Variants in WHAMM observed in about 807,000 individuals in gnomAD.
The protein encoded by WHAMM is WASP homolog-associated protein with actin, membranes and microtubules.
WHAMM carries 67 observed loss-of-function variants against 76.5 expected under a neutral mutation model. The ratio of observed to expected loss-of-function variants is 0.88; its 90% CI spans 0.72 to 1.07. WHAMM has a LOEUF of 1.07. Among genes scored for constraint, WHAMM ranks in the 50% least tolerant of loss-of-function variants. The pLI is 0.00. For synonymous variants in WHAMM, 419 were observed against 422.1 expected (o/e 0.99, Z 0.09); for missense variants, 1,021 against 1,051.1 (o/e 0.97, Z 0.40).
Position 82,836,093 on chromosome 15 carries a change from A to C in WHAMM, c.*2557A>C, listed in dbSNP as rs1473582102. 6 of 152,356 alleles carry C rather than the reference A, an allele frequency of 3.9e-5. No homozygotes were observed. The highest frequency in any genetic ancestry group is 8.8e-5 in the Non-Finnish European group (6 of 68,034). The allele number at this position is 152,356 out of a possible 1,614,324, so 9.4% of individuals were successfully genotyped here. ...TTTTCAAAAGAACGTTCTCACAATA[A>C]AAATTCCTGGCCCAATTGTGTCTTC... On this transcript the variant is annotated 3_prime_UTR_variant, in exon 10 of 10. Transcript: ENST00000286760.
chr15:82,815,155 A>AAAAT (rs55807384), intron 2 of WHAMM, among the ~76,000 whole-genome samples: 1 of 46,148 alleles, frequency 2.2e-5, no homozygotes, highest in Non-Finnish European at 4.0e-5. Context: ...ATATATATAT[A>AAAAT]GTACAATTCA....
At chr15:82,831,787 G>T (rs182829921) in intron 9 of WHAMM, among the ~76,000 whole-genome samples, 120 of 152,308 alleles carry the variant, frequency 7.9e-4, no homozygotes, top group African/African-American at 2.8e-3. Flanking sequence ...ACTTCTTTGG[G>T]GGGTATGTGT....
chr15:82,828,295 A>T (rs758681914), intron 8 of WHAMM, among the ~76,000 whole-genome samples: 1 of 152,238 alleles, frequency 6.6e-6, no homozygotes, highest in Non-Finnish European at 1.5e-5. Flanking sequence ...GTCTTACTCC[A>T]GAGCCACACA....
At chr15:82,815,694 G>T (rs961315852) in intron 2 of WHAMM, among the ~76,000 whole-genome samples, 1 of 152,170 alleles carries the variant, frequency 6.6e-6, no homozygotes, top group Non-Finnish European at 1.5e-5. Flanking sequence ...GTAAATGAGG[G>T]TTCCGGTTTG....
At chr15:82,819,716 G>A (rs886064963) in intron 5 of WHAMM, among the ~76,000 whole-genome samples, 3 of 152,228 alleles carry the variant, frequency 2.0e-5, no homozygotes, top group Non-Finnish European at 2.9e-5. Context: ...GTGGTTGGCT[G>A]GGCACAGTGG....
At chr15:82,815,050 G>C (rs1413246297) in intron 2 of WHAMM, among the ~76,000 whole-genome samples, 1 of 146,054 alleles carries the variant, frequency 6.8e-6, no homozygotes, top group Non-Finnish European at 1.5e-5. Flanking sequence ...GATTACAGGC[G>C]TGAGCCACCG....
chr15:82,810,019 G>A lies in WHAMM; in HGVS notation c.293G>A (p.Trp98Ter), dbSNP rs2050598234. Residue 98 changes from tryptophan (W) to a stop codon, truncating the protein, a stop_gained, in exon 1 of 10, where the codon TGG (tryptophan) becomes TAG (stop). Coordinates refer to ENST00000286760, the MANE Select transcript of WHAMM (RefSeq NM_001080435.3). LOFTEE classifies it high-confidence loss of function. The stretch of plus-strand genomic sequence containing the variant: ...GCGCACCGGCAGTTGGCGGCGCTGT[G>A]GCCGCCTCTGGAGCGCTGCTTCCCG... ...RGAHRQLAAL[W>*]PPLERCFPRL... 8.0e-7 allele frequency: 1 copy of A among 1,256,836 alleles called. No homozygotes were observed. The highest frequency in any genetic ancestry group is 1.0e-6 in the Non-Finnish European group (1 of 1,002,736). 77.9% of individuals were successfully genotyped at this position (1,256,836 alleles called of 1,614,324 possible). A position where few individuals can be genotyped will look rare whatever the true frequency, so the allele number is the denominator to read the frequency against.
chr15:82,832,585 G>T (rs2151575329), intron 9 of WHAMM, among the ~76,000 whole-genome samples: 1 of 152,264 alleles, frequency 6.6e-6, no homozygotes, highest in South Asian at 2.1e-4. Flanking sequence ...AAGTATGTAA[G>T]CCACCTCAGG....
rs760702411 is a variant in WHAMM at position 82,818,027 on chromosome 15, C to G, written c.1042C>G (p.Leu348Val). 5.2e-6 allele frequency: 8 copies of G among 1,550,434 alleles called. No individual in the cohort carries two copies. In the East Asian group the frequency reaches 1.7e-4, roughly 33 times the overall value. The change falls in exon 4 of 10, where the codon CTG becomes GTG. Residue 348 changes from leucine to valine, a missense_variant. Coordinates refer to ENST00000286760, the MANE Select transcript of WHAMM (RefSeq NM_001080435.3). ...KLQLMLARET[L>V]QLMRAKELCL... ...TCAGCTAATGCTAGCTCGAGAGACTCTGCAACTCATGAGAGCGAAAGAGTT... is the reference window on the plus strand; with the variant it reads ...TCAGCTAATGCTAGCTCGAGAGACTGTGCAACTCATGAGAGCGAAAGAGTT...
intron 8 of WHAMM, 130 bp from the exon 9 acceptor site, chr15:82,830,469 A>T: frequency 1.4e-6 from 2 of 1,399,424 alleles, no homozygotes; most frequent in Non-Finnish European, 1.9e-6. Context: ...GGCTGTACAA[A>T]CAAGGAGTCA....
chr15:82,811,152 C>G (rs2050622098), intron 1 of WHAMM, among the ~76,000 whole-genome samples: 1 of 152,278 alleles, frequency 6.6e-6, no homozygotes, highest in South Asian at 2.1e-4. Context: ...ATAAGCTTTC[C>G]AAATTAAAAT....
intron 9 of WHAMM, among the ~76,000 whole-genome samples, chr15:82,831,477 C>T (rs765677438): frequency 1.3e-5 from 2 of 152,028 alleles, no homozygotes; most frequent in African/African-American, 2.4e-5. Context: ...TTATAGAATC[C>T]AGTTGTTGTA....
chr15:82,829,740 C>A (rs1248768014), intron 8 of WHAMM, among the ~76,000 whole-genome samples: 1 of 151,892 alleles, frequency 6.6e-6, no homozygotes, highest in African/African-American at 2.4e-5. Flanking sequence ...TTGATAGGAT[C>A]ATATTGAACT....
intron 6 of WHAMM, among the ~76,000 whole-genome samples, chr15:82,823,548 T>C (rs2050874668): frequency 6.6e-6 from 1 of 152,078 alleles, no homozygotes; most frequent in African/African-American, 2.4e-5. Flanking sequence ...GCCCATTGCA[T>C]ACACAGGCAC....
In WHAMM at chr15:82,835,014, C is replaced by G. The variant is rs1047133964; in HGVS notation, c.*1478C>G. 1 of 151,086 alleles carries G rather than the reference C, an allele frequency of 6.6e-6. No individual in the cohort carries two copies. The highest frequency in any genetic ancestry group is 1.5e-5 in the Non-Finnish European group (1 of 67,250). The allele number at this position is 151,086 out of a possible 1,614,324, so 9.4% of individuals were successfully genotyped here. On this transcript the variant is annotated 3_prime_UTR_variant, in exon 10 of 10. Coordinates refer to ENST00000286760, the MANE Select transcript of WHAMM (RefSeq NM_001080435.3). ...AGACTGCGAGCATCCCTACTAACCT[C>G]ATCACCCTCACTCTGGTGATATTAC...
At position 82,811,163 on chromosome 15, in the gene WHAMM, G is replaced by T. The variant is rs543034226; in HGVS notation, c.609+828G>T. ...TAGAATAAGCTTTCCAAATTAAAAT[G>T]GTTTTATAAAAGGAGCTCGTTAGTG... On this transcript the variant is annotated intron_variant, in intron 1 of 9. Coordinates refer to ENST00000286760, the MANE Select transcript of WHAMM (RefSeq NM_001080435.3). 3.3e-5 allele frequency among the ~76,000 whole-genome samples: 5 copies of T among 152,278 alleles called. 1 individual carries two copies. The South Asian group carries it at 1.0e-3, about 32-fold the overall frequency.
Position 82,809,940 on chromosome 15 carries a change from GCCGTCTCCCCGT to G in WHAMM, c.217_228del (p.Val73_Ser76del). On this transcript the variant is annotated inframe_deletion, in exon 1 of 10. Transcript: ENST00000286760. ...CGAGCCCGAGCCCAAGCCTGAGGCC[GCCGTCTCCCCGT>G]CCAGCTGGGCCGGCCTGCTCTCGGC... The G allele has an allele frequency of 7.0e-7, 1 of 1,427,156 alleles. No homozygotes were observed. The allele number at this position is 1,427,156 out of a possible 1,614,324, so 88.4% of individuals were successfully genotyped here.
At chr15:82,831,620 A>T (rs2051033587) in intron 9 of WHAMM, among the ~76,000 whole-genome samples, 1 of 152,224 alleles carries the variant, frequency 6.6e-6, no homozygotes, top group Admixed American at 6.5e-5. Flanking sequence ...AATGGGACAG[A>T]AAGAAAAAGT....
chr15:82,821,745 G>A (rs114449954), intron 5 of WHAMM, among the ~76,000 whole-genome samples: 1,603 of 152,232 alleles, frequency 0.011, 7 homozygotes, highest in Non-Finnish European at 0.016. Flanking sequence ...ACAAAAACTC[G>A]TTGGAATTTT....
Sources: gnomAD v4.1 joint callset for allele counts (sites outside exome capture counted in the v4.1 genomes callset) on GRCh38, gnomAD v4.1.1 for gene constraint, MANE v1.5 for transcripts, NCBI Gene and HGNC (gene_info 2026-07-23, HGNC 2026-07-21) for gene names.